Variants in KCNMA1 observed in about 807,000 individuals in gnomAD.
The protein encoded by KCNMA1 is Calcium-activated potassium channel subunit alpha-1.
Under a neutral mutation model 140.0 loss-of-function variants are expected in KCNMA1, and 29 were observed. That is an observed-to-expected ratio of 0.21 (90% confidence interval 0.15 to 0.28). KCNMA1 has a LOEUF of 0.28. Ranked by LOEUF, KCNMA1 falls within the 10% of genes least tolerant of loss-of-function variation. KCNMA1 has a pLI of 1.00. For synonymous variants in KCNMA1, 612 were observed against 611.9 expected, an observed-to-expected ratio of 1.00 and a Z score of 0.00; for missense variants, 880 against 1,602.2, an observed-to-expected ratio of 0.55 and a Z score of 7.70.
At chr10:77,342,038 C>T (rs2091050010) in intron 2 of KCNMA1, among the ~76,000 whole-genome samples, 1 of 152,196 alleles carries the variant, frequency 6.6e-6, no homozygotes, top group Non-Finnish European at 1.5e-5. Flanking sequence ...TTGCCCTGCA[C>T]TGATGCTGCT....
At chr10:77,611,845 G>A (rs956821099) in intron 1 of KCNMA1, among the ~76,000 whole-genome samples, 1 of 152,158 alleles carries the variant, frequency 6.6e-6, no homozygotes, top group African/African-American at 2.4e-5. Context: ...GCTCAGACAA[G>A]ACTAGGTACG....
At position 76,885,135 on chromosome 10, in the gene KCNMA1, T is replaced by C. The variant is rs2036265671; in HGVS notation, c.*2131A>G. The stretch of plus-strand genomic sequence containing the variant: ...TATAAATGTTCTGAGGGCGTAACTT[T>C]ATAACCTCCTTTGCAAAGAATGCAT... On this transcript the variant is annotated 3_prime_UTR_variant, in exon 28 of 28. Transcript: ENST00000286628. The C allele has an allele frequency of 1.1e-5, 16 of 1,427,088 alleles. No individual in the cohort carries two copies. The highest frequency in any genetic ancestry group is 1.4e-5 in the Non-Finnish European group (15 of 1,087,828). 88.4% of individuals were successfully genotyped at this position (1,427,088 alleles called of 1,614,324 possible).
At chr10:77,112,489 C>T in intron 6 of KCNMA1, 47 bp from the exon 7 acceptor site, 1 of 1,480,888 alleles carries the variant, frequency 6.8e-7, no homozygotes, top group Non-Finnish European at 9.4e-7. Flanking sequence ...CAAGGGAAGG[C>T]CCTGCTGGGG....
chr10:76,936,230 G>T (rs2060521430), intron 23 of KCNMA1, among the ~76,000 whole-genome samples: 1 of 152,176 alleles, frequency 6.6e-6, no homozygotes, highest in Admixed American at 6.5e-5. Context: ...CTGTACTTGA[G>T]ATCTGCTCAG....
Position 77,023,053 on chromosome 10 carries a change from G to C in KCNMA1, c.1929-3954C>G, listed in dbSNP as rs145975381. On this transcript the variant is annotated intron_variant, in intron 16 of 27. Coordinates refer to ENST00000286628, the MANE Select transcript of KCNMA1 (RefSeq NM_001161352.2). The stretch of plus-strand genomic sequence containing the variant: ...TTGGCTAGCGGGGCTCAGTCCCGCA[G>C]GGAAATGCCTCTATCAGGTCCCTCC... 3.8e-4 allele frequency: 152 copies of C among 395,590 alleles called. 1 individual carries two copies. In the East Asian group the frequency reaches 0.011, roughly 30 times the overall value. The allele number at this position is 395,590 out of a possible 1,614,324, so 24.5% of individuals were successfully genotyped here.
intron 14 of KCNMA1, among the ~76,000 whole-genome samples, chr10:77,052,726 A>C (rs889385425): frequency 1.3e-5 from 2 of 152,168 alleles, no homozygotes; most frequent in Non-Finnish European, 2.9e-5. Context: ...AGAGAGAGGA[A>C]TGATCCCTGG....
Position 77,186,389 on chromosome 10 carries a change from G to A in KCNMA1, c.603-1473C>T, listed in dbSNP as rs977886926. ...AAAAAAACAAAAAACAAAAAAAAAC[G>A]ACAATTGCCAGGTTTTCACTAAGGT... On this transcript the variant is annotated intron_variant, in intron 3 of 27. Transcript: ENST00000286628. Among the ~76,000 whole-genome samples the A allele has an allele frequency of 2.1e-5, 3 of 144,276 alleles. No individual in the cohort carries two copies. In the East Asian group the frequency reaches 5.9e-4, roughly 28 times the overall value. 94.7% of individuals were successfully genotyped at this position (144,276 alleles called of 152,430 possible). A position where few individuals can be genotyped will look rare whatever the true frequency, so the allele number is the denominator to read the frequency against.
intron 2 of KCNMA1, among the ~76,000 whole-genome samples, chr10:77,360,975 A>C (rs1398497959): frequency 1.3e-5 from 2 of 152,110 alleles, no homozygotes; most frequent in African/African-American, 4.8e-5. Context: ...TGGGGCTCTC[A>C]GAAGTACTAG....
chr10:76,897,646 T>C (rs1357173855), intron 25 of KCNMA1, among the ~76,000 whole-genome samples: 2 of 152,032 alleles, frequency 1.3e-5, no homozygotes, highest in Non-Finnish European at 2.9e-5. Context: ...CCTTAGTAAC[T>C]AAAATATGAG....
intron 1 of KCNMA1, among the ~76,000 whole-genome samples, chr10:77,497,746 C>A (rs1389145167): frequency 6.6e-6 from 1 of 152,198 alleles, no homozygotes; most frequent in Non-Finnish European, 1.5e-5. Flanking sequence ...GCTCCCAGTC[C>A]TCTTCTCCTA....
intron 1 of KCNMA1, among the ~76,000 whole-genome samples, chr10:77,626,354 C>T (rs971615092): frequency 6.6e-6 from 1 of 152,116 alleles, no homozygotes; most frequent in Non-Finnish European, 1.5e-5. Flanking sequence ...GGCCATAATT[C>T]ATGGGCAGCT....
chr10:77,093,075 A>G (rs1007069281), intron 9 of KCNMA1, among the ~76,000 whole-genome samples: 4 of 152,226 alleles, frequency 2.6e-5, no homozygotes, highest in Non-Finnish European at 4.4e-5. Flanking sequence ...TAAGAAGTAG[A>G]CAAATGCTGG....
chr10:77,393,416 A>G (rs2095911121), intron 2 of KCNMA1, among the ~76,000 whole-genome samples: 1 of 152,270 alleles, frequency 6.6e-6, no homozygotes. Flanking sequence ...CATGCTTATC[A>G]AGCACTAACC....
chr10:77,512,565 T>C (rs2048771580), intron 1 of KCNMA1, among the ~76,000 whole-genome samples: 1 of 152,194 alleles, frequency 6.6e-6, no homozygotes, highest in African/African-American at 2.4e-5. Flanking sequence ...CACTGGGGTC[T>C]TGGAATGTAA....
chr10:77,121,992 T>C (rs2097611191), intron 5 of KCNMA1, among the ~76,000 whole-genome samples: 2 of 152,222 alleles, frequency 1.3e-5, no homozygotes, highest in Admixed American at 1.3e-4. Flanking sequence ...AGAAGCATTT[T>C]ATTAAGCACC....
chr10:77,387,888 G>C (rs1392722289), intron 2 of KCNMA1, among the ~76,000 whole-genome samples: 2 of 152,174 alleles, frequency 1.3e-5, no homozygotes, highest in Admixed American at 1.3e-4. Flanking sequence ...AAAGTGCTGG[G>C]ATTACAGACG....
intron 2 of KCNMA1, among the ~76,000 whole-genome samples, chr10:77,365,666 A>G (rs182607571): frequency 1.3e-5 from 2 of 151,842 alleles, no homozygotes; most frequent in Admixed American, 1.3e-4. Context: ...TCTTTACTGT[A>G]CCTCCATCCA....
At chr10:76,966,273 C>G (rs1438720510) in intron 20 of KCNMA1, among the ~76,000 whole-genome samples, 1 of 152,134 alleles carries the variant, frequency 6.6e-6, no homozygotes, top group Admixed American at 6.5e-5. Context: ...GTGTGAGAAC[C>G]CAGGTGTTTA....
chr10:77,491,748 CACACA>C (rs1567135642), intron 1 of KCNMA1, among the ~76,000 whole-genome samples: 9 of 147,474 alleles, frequency 6.1e-5, no homozygotes, highest in African/African-American at 1.3e-4. Context: ...CACACACACA[CACACA>C]CCCTACATAT....
Sources: allele counts gnomAD v4.1 joint callset (sites outside exome capture counted in the v4.1 genomes callset), GRCh38; gene constraint gnomAD v4.1.1; transcripts MANE v1.5; gene names NCBI Gene and HGNC (gene_info 2026-07-23, HGNC 2026-07-21).